Variants in PPP1R13B observed in about 807,000 individuals in gnomAD.
PPP1R13B encodes the protein apoptosis-stimulating of p53 protein 1.
A neutral mutation model predicts 119.8 loss-of-function variants in PPP1R13B; 44 were observed. That is an observed-to-expected ratio of 0.37 (90% CI 0.29 to 0.47). PPP1R13B has a LOEUF of 0.47. Among genes scored for constraint, PPP1R13B ranks in the 20% least tolerant of loss-of-function variants. The pLI is 0.99. For synonymous variants in PPP1R13B, 542 were observed against 561.5 expected, an observed-to-expected ratio of 0.97 and a Z score of 0.49; for missense variants, 1,227 against 1,413.5, an observed-to-expected ratio of 0.87 and a Z score of 2.12.
At chr14:103,777,207 G>A (rs2085223386) in intron 4 of PPP1R13B, among the ~76,000 whole-genome samples, 1 of 152,026 alleles carries the variant, frequency 6.6e-6, no homozygotes, top group South Asian at 2.1e-4. Context: ...TGGTCAGACT[G>A]GTCTCGAACT....
Position 103,753,076 on chromosome 14 carries a change from T to C in PPP1R13B, c.752A>G (p.Asn251Ser), listed in dbSNP as rs2084589810. Residue 251 changes from asparagine to serine, a missense_variant, in exon 7 of 17, where the codon AAT becomes AGT. Coordinates refer to ENST00000202556, the MANE Select transcript of PPP1R13B (RefSeq NM_015316.3). ...QLEDLKKGKL[N>S]GFQSYNGKLT... ...TTTGCCATTGTAAGACTGGAACCCA[T>C]TCAGTTTTCCTTTCTTTAAATCTTC... The C allele has an allele frequency of 1.2e-6, 2 of 1,614,176 alleles. No individual in the cohort carries two copies. Among genetic ancestry groups the C allele is most frequent in the Non-Finnish European group, 1.7e-6 (2 of 1,180,030 alleles).
intron 3 of PPP1R13B, among the ~76,000 whole-genome samples, chr14:103,781,457 A>C (rs1477364529): frequency 6.6e-6 from 1 of 152,198 alleles, no homozygotes; most frequent in Non-Finnish European, 1.5e-5. Context: ...AGATGATTTT[A>C]AAGTAGATAG....
intron 2 of PPP1R13B, among the ~76,000 whole-genome samples, chr14:103,793,078 G>GGGGAAGGGAAGGAAGGGGA (rs2085664398): frequency 7.0e-6 from 1 of 142,970 alleles, no homozygotes; most frequent in Admixed American, 7.1e-5. Flanking sequence ...TCATAGAAAA[G>GGGGAAGGGAAGGAAGGGGA]GGGAAGGGAA....
At position 103,838,601 on chromosome 14, in the gene PPP1R13B, T is replaced by C. The variant is rs376239686; in HGVS notation, c.9+8698A>G. 8.9e-4 allele frequency among the ~76,000 whole-genome samples: 135 copies of C among 152,342 alleles called. 8 individuals are homozygous for C. In the South Asian group the frequency reaches 0.028, roughly 32 times the overall value. Reference sequence around the variant, plus strand: ...ATTTTATAGCACATGAATTATACCATATCCCCCTCCCCAGAAAAAGACACG... The same window carrying C: ...ATTTTATAGCACATGAATTATACCACATCCCCCTCCCCAGAAAAAGACACG... On this transcript the variant is annotated intron_variant, in intron 1 of 16. Coordinates refer to ENST00000202556, the MANE Select transcript of PPP1R13B (RefSeq NM_015316.3).
At chr14:103,743,034 C>T (rs2084298974) in intron 9 of PPP1R13B, 3 of 572,798 alleles carry the variant, frequency 5.2e-6, no homozygotes, top group South Asian at 4.1e-5. Context: ...ACGGGCTCTG[C>T]TGGCAGCTCA....
At position 103,797,496 on chromosome 14, in the gene PPP1R13B, C is replaced by T; in HGVS notation, c.32G>A (p.Ser11Asn). Residue 11 changes from serine (S) to asparagine (N), a missense_variant, in exon 2 of 17, where the codon AGC (serine) becomes AAC (asparagine). Transcript: ENST00000202556. ...TTCTGTTAAAATCTGTTCATTGTTGCTCAAGAAAACAGTTAATATCATCTG... is the reference window on the plus strand; with the variant it reads ...TTCTGTTAAAATCTGTTCATTGTTGTTCAAGAAAACAGTTAATATCATCTG... MMPMILTVFL[S>N]NNEQILTEVP... 6.2e-7 allele frequency: 1 copy of T among 1,612,774 alleles called. No homozygotes were observed. Among genetic ancestry groups the T allele is most frequent in the South Asian group, 1.1e-5 (1 of 91,014 alleles).
intron 1 of PPP1R13B, among the ~76,000 whole-genome samples, chr14:103,802,676 CA>C (rs1369925486): frequency 6.6e-6 from 1 of 152,152 alleles, no homozygotes; most frequent in Admixed American, 6.6e-5. Flanking sequence ...TTTATGAATG[CA>C]TTGTCAGAAT....
In PPP1R13B at chr14:103,749,931, G is replaced by T. The variant is rs371385581; in HGVS notation, c.832C>A (p.Arg278Ser). Residue 278 changes from arginine to serine, a missense_variant, in exon 8 of 17, where the codon CGT becomes AGT. Transcript: ENST00000202556. ...LKRLYQELQI[R>S]NQLNQEQNSK... ...TTTTGTTCCTGGTTAAGTTGGTTAC[G>T]AATCTACAAACCACAAAATACAACC... The T allele has an allele frequency of 2.5e-5, 40 of 1,612,690 alleles. No homozygotes were observed. The highest frequency in any genetic ancestry group is 1.5e-4 in the Admixed American group (9 of 59,646).
intron 8 of PPP1R13B, 105 bp from the exon 9 acceptor site, chr14:103,746,658 G>T: frequency 9.1e-7 from 1 of 1,094,036 alleles, no homozygotes. Flanking sequence ...TCACTCAGTG[G>T]TTGGTTTTTA....
intron 1 of PPP1R13B, chr14:103,847,086 C>G: frequency 5.0e-6 from 5 of 993,398 alleles, no homozygotes; most frequent in Non-Finnish European, 6.0e-6. Flanking sequence ...AGGAAGGGCC[C>G]GCAGGCGGCC....
rs1292109563 is a variant in PPP1R13B at position 103,825,842 on chromosome 14, TTTTC to T, written c.9+21453_9+21456del. ...CAACACTGTAGACAGTGATTTTTTC[TTTTC>T]TTTTTTTTTTTTTTTTGAGAGAGAG... On this transcript the variant is annotated intron_variant, in intron 1 of 16. Coordinates refer to ENST00000202556, the MANE Select transcript of PPP1R13B (RefSeq NM_015316.3). Among the ~76,000 whole-genome samples, 5 of 95,700 alleles carry T rather than the reference TTTTC, an allele frequency of 5.2e-5. No individual in the cohort carries two copies. The East Asian group carries it at 1.3e-3, about 25-fold the overall frequency. The allele number at this position is 95,700 out of a possible 152,430, so 62.8% of individuals were successfully genotyped here.
intron 16 of PPP1R13B, among the ~76,000 whole-genome samples, chr14:103,735,476 G>C (rs965037601): frequency 2.6e-5 from 4 of 152,146 alleles, no homozygotes; most frequent in Non-Finnish European, 5.9e-5. Context: ...CCCTGGGCAA[G>C]GGTCTCTGCC....
chr14:103,810,530 T>C (rs1280195567), intron 1 of PPP1R13B, among the ~76,000 whole-genome samples: 1 of 152,130 alleles, frequency 6.6e-6, no homozygotes, highest in East Asian at 1.9e-4. Flanking sequence ...TCCCAGCACT[T>C]TGGGAGGCCA....
intron 4 of PPP1R13B, chr14:103,764,097 CG>C (rs2084879281): frequency 6.5e-6 from 1 of 153,678 alleles, no homozygotes; most frequent in Non-Finnish European, 1.4e-5. Context: ...GAAGTCTGTG[CG>C]AGCAGATATT....
chr14:103,742,330 T>G lies in PPP1R13B; in HGVS notation c.1321-39A>C. On this transcript the variant is annotated intron_variant, in intron 10 of 16. Coordinates refer to ENST00000202556, the MANE Select transcript of PPP1R13B (RefSeq NM_015316.3). The surrounding 1 kb of genome is among the most constrained non-coding windows in gnomAD (Gnocchi z 4.9). ...TTAAGAAGAAAAACAAAGTCACCCT[T>G]TGAACAGTTAAGAATATTTCCACCC... The G allele has an allele frequency of 6.6e-7, 1 of 1,509,326 alleles. No individual in the cohort carries two copies. The highest frequency in any genetic ancestry group is 8.8e-7 in the Non-Finnish European group (1 of 1,136,776). 93.5% of individuals were successfully genotyped at this position (1,509,326 alleles called of 1,614,324 possible).
intron 7 of PPP1R13B, among the ~76,000 whole-genome samples, chr14:103,751,326 G>A (rs2084539555): frequency 6.6e-6 from 1 of 152,156 alleles, no homozygotes; most frequent in Non-Finnish European, 1.5e-5. Context: ...TTATAATACT[G>A]TAGTACTTCT....
At chr14:103,736,971 A>G (rs1202697388) in intron 15 of PPP1R13B, 2 of 152,376 alleles carry the variant, frequency 1.3e-5, no homozygotes, top group Admixed American at 6.5e-5. Flanking sequence ...CTCTTGGAAA[A>G]TGCGGCCCTG....
chr14:103,746,798 G>A, intron 8 of PPP1R13B: 1 of 328,872 alleles, frequency 3.0e-6, no homozygotes. Context: ...GCTGATGTGA[G>A]GGCAGAGCAA....
intron 1 of PPP1R13B, among the ~76,000 whole-genome samples, chr14:103,804,805 G>A (rs1054079535): frequency 2.0e-5 from 3 of 152,110 alleles, no homozygotes; most frequent in African/African-American, 7.2e-5. Flanking sequence ...GCATTGACAA[G>A]GATGTGGAGA....
Sources: allele counts gnomAD v4.1 joint callset (sites outside exome capture counted in the v4.1 genomes callset), GRCh38; gene constraint gnomAD v4.1.1; non-coding constraint Gnocchi (gnomAD v3.1); transcripts MANE v1.5; gene names NCBI Gene and HGNC (gene_info 2026-07-23, HGNC 2026-07-21).